USP53: variants seen among roughly 807,000 people sequenced by gnomAD.
USP53 encodes ubiquitin carboxyl-terminal hydrolase 53.
USP53 carries 71 observed loss-of-function variants against 94.9 expected under a neutral mutation model. The observed-to-expected ratio is 0.75, with a 90% CI of 0.62 to 0.91. The LOEUF (loss-of-function observed/expected upper bound fraction) is 0.91, where lower values mean the gene tolerates loss of function less well. USP53 is among the 40% of genes least tolerant of loss of function. USP53 has a pLI of 0.00. For synonymous variants in USP53, 375 were observed against 422.7 expected (o/e 0.89, Z 1.39); for missense variants, 1,173 against 1,281.0 (o/e 0.92, Z 1.29).
In USP53 at chr4:119,294,639, C is replaced by G. The variant is rs1387474807; in HGVS notation, c.*1428C>G. 1 of 152,042 alleles carries G rather than the reference C, an allele frequency of 6.6e-6. No individual in the cohort carries two copies. Among genetic ancestry groups the G allele is most frequent in the Non-Finnish European group, 1.5e-5 (1 of 67,956 alleles). The allele number at this position is 152,042 out of a possible 1,614,324, so 9.4% of individuals were successfully genotyped here. Reference sequence around the variant, plus strand: ...TAAACTAGTAAATGTAGCCACTTGACTGATTGCGTAAATCGTGTTAAAACA... The same window carrying G: ...TAAACTAGTAAATGTAGCCACTTGAGTGATTGCGTAAATCGTGTTAAAACA... On this transcript the variant is annotated 3_prime_UTR_variant, in exon 19 of 19. Transcript: ENST00000692078.
intron 6 of USP53, among the ~76,000 whole-genome samples, chr4:119,247,978 AT>A (rs919417571): frequency 5.3e-5 from 8 of 152,092 alleles, no homozygotes; most frequent in African/African-American, 1.9e-4. Context: ...TCTTAAAAAA[AT>A]ATTTTTTTTT....
At chr4:119,272,318 T>G (rs1361476119) in intron 16 of USP53, 1 of 243,454 alleles carries the variant, frequency 4.1e-6, no homozygotes, top group Non-Finnish European at 7.9e-6. Context: ...GTACAGAAGT[T>G]TATTATCATT....
At chr4:119,280,497 T>C (rs1279721014) in intron 17 of USP53, among the ~76,000 whole-genome samples, 3 of 152,222 alleles carry the variant, frequency 2.0e-5, no homozygotes, top group South Asian at 4.2e-4. Flanking sequence ...TTTATGTCTA[T>C]GGGAAATAGG....
rs977181158 is a variant in USP53 at position 119,267,383 on chromosome 4, T to C, written c.1036T>C (p.Leu346=). The part of the protein sequence containing the change: ...CIRCHFQPLL[L]FYANPDGTAV... ...TCGATGCCACTTTCAGCCACTACTT[T>C]TGTTTTATGCAAACCCAGATGGCAC... Residue 346 remains leucine, a synonymous_variant, in exon 13 of 19, where the codon TTG becomes CTG. Transcript: ENST00000692078. The C allele has an allele frequency of 6.2e-7, 1 of 1,614,058 alleles. No homozygotes were observed. Among genetic ancestry groups the C allele is most frequent in the African/African-American group, 1.3e-5 (1 of 74,942 alleles).
At chr4:119,271,204 T>G in intron 15 of USP53, 92 bp from the exon 16 acceptor site, 1 of 1,486,664 alleles carries the variant, frequency 6.7e-7, no homozygotes, top group Non-Finnish European at 8.9e-7. Flanking sequence ...CCTAAAACTC[T>G]TTAACATTTT....
At chr4:119,248,918 AG>A (rs781627268) in intron 7 of USP53, 36 bp downstream of exon 7, 2 of 1,610,204 alleles carry the variant, frequency 1.2e-6, no homozygotes, top group South Asian at 2.2e-5. Flanking sequence ...AAGTCAGGAT[AG>A]TAGTTTTCAT....
rs773309185 is a variant in USP53 at position 119,245,334 on chromosome 4, T to C, written c.145-3T>C. 25 of 1,613,064 alleles carry C rather than the reference T, an allele frequency of 1.5e-5. No homozygotes were observed. The highest frequency in any genetic ancestry group is 6.7e-5 in the Admixed American group (4 of 59,898). Reference sequence around the variant, plus strand: ...TTTTCCTTAACATCTCCCTGTTTTTTAGGTTTTATGGCAATTGGATATATT... The same window carrying C: ...TTTTCCTTAACATCTCCCTGTTTTTCAGGTTTTATGGCAATTGGATATATT... On this transcript the variant is annotated splice_polypyrimidine_tract_variant and splice_region_variant and intron_variant, in intron 5 of 18. Transcript: ENST00000692078.
intron 16 of USP53, 69 bp from the exon 17 acceptor site, chr4:119,273,563 G>GTT (rs35610634): frequency 0.036 from 30,240 of 832,264 alleles, 2 homozygotes; most frequent in South Asian, 0.051. Flanking sequence ...AACAAATGTT[G>GTT]TTTTTTTTTA....
chr4:119,279,842 C>G (rs1056925903), intron 17 of USP53, among the ~76,000 whole-genome samples: 1 of 152,182 alleles, frequency 6.6e-6, no homozygotes, highest in African/African-American at 2.4e-5. Flanking sequence ...GCGCAATATT[C>G]GGGTGGGAGT....
In USP53 at chr4:119,293,223, A is replaced by C. The variant is rs1452472975; in HGVS notation, c.*12A>C. 1.3e-6 allele frequency: 2 copies of C among 1,567,858 alleles called. No individual in the cohort carries two copies. The highest frequency in any genetic ancestry group is 1.7e-6 in the Non-Finnish European group (2 of 1,166,502). On this transcript the variant is annotated 3_prime_UTR_variant, in exon 19 of 19. Transcript: ENST00000692078. ...ATTCACTATCTTAGAGTGAAAAAGG[A>C]CTAGACCTGTGTTACATAATAATCT...
At chr4:119,259,666 T>C (rs1250682442) in intron 9 of USP53, among the ~76,000 whole-genome samples, 154 bp from the exon 10 acceptor site, 2 of 152,232 alleles carry the variant, frequency 1.3e-5, no homozygotes, top group Admixed American at 1.3e-4. Flanking sequence ...AATTTTTCAC[T>C]TTATGGAAAT....
rs756600863 is a variant in USP53, at chr4:119,256,533, T to C, written c.569+10T>C. On this transcript the variant is annotated intron_variant, in intron 9 of 18. Transcript: ENST00000692078. ...CTACAACAGCCTTATGGTAAGAACC[T>C]ATTAAAGCTTAATTATCAACGATAT... The C allele has an allele frequency of 3.7e-6, 6 of 1,612,718 alleles. No homozygotes were observed. The highest frequency in any genetic ancestry group is 5.1e-6 in the Non-Finnish European group (6 of 1,178,726).
At chr4:119,214,633 T>C (rs1444253791) in intron 2 of USP53, among the ~76,000 whole-genome samples, 1 of 147,268 alleles carries the variant, frequency 6.8e-6, no homozygotes, top group Non-Finnish European at 1.5e-5. Flanking sequence ...AAAAGAAAAA[T>C]CACAATACTC....
intron 3 of USP53, chr4:119,219,792 A>AT (rs1744262562): frequency 6.6e-6 from 1 of 152,188 alleles, no homozygotes; most frequent in African/African-American, 2.4e-5. Flanking sequence ...AGATAGTTTG[A>AT]TAGTCTTGTC....
At chr4:119,259,403 A>G (rs866437418) in intron 9 of USP53, among the ~76,000 whole-genome samples, 3 of 152,192 alleles carry the variant, frequency 2.0e-5, no homozygotes, top group Non-Finnish European at 1.5e-5. Context: ...CCTAGCTGAA[A>G]TTGATAACAT....
chr4:119,213,660 A>ATATGTGTGTGTGTG, intron 1 of USP53, among the ~76,000 whole-genome samples: 1 of 117,792 alleles, frequency 8.5e-6, no homozygotes, highest in African/African-American at 3.6e-5. Flanking sequence ...ATATATATAT[A>ATATGTGTGTGTGTG]TGTGTGTGTG....
At position 119,260,668 on chromosome 4, in the gene USP53, T is replaced by C. The variant is rs770259294; in HGVS notation, c.822+15T>C. On this transcript the variant is annotated intron_variant, in intron 11 of 18. Coordinates refer to ENST00000692078, the MANE Select transcript of USP53 (RefSeq NM_001371395.1). ...ATCTTCCTGGGGTATCTTATCTATT[T>C]TCATTCCCTTCCCTTTTATTTTCAA... The C allele has an allele frequency of 1.2e-6, 2 of 1,608,834 alleles. No individual in the cohort carries two copies. The highest frequency in any genetic ancestry group is 1.7e-5 in the Admixed American group (1 of 59,060).
chr4:119,225,267 C>A (rs1304886862), intron 3 of USP53, among the ~76,000 whole-genome samples: 1 of 152,070 alleles, frequency 6.6e-6, no homozygotes, highest in Admixed American at 6.6e-5. Context: ...ACCTAAGTAG[C>A]CCTTTCTATC....
Position 119,293,165 on chromosome 4 carries a change from T to G in USP53, c.3176T>G (p.Leu1059Arg), listed in dbSNP as rs1240083223. Reference protein sequence around the residue: ...YRLKYHQRPKLSFPESSGFCN... With the variant: ...YRLKYHQRPKRSFPESSGFCN... ...TTGAAATACCATCAGAGGCCCAAGC[T>G]CTCTTTTCCAGAGAGCAGTGGCTTT... Residue 1059 changes from leucine to arginine, a missense_variant, in exon 19 of 19, where the codon CTC becomes CGC. Transcript: ENST00000692078. 2 of 1,611,548 alleles carry G rather than the reference T, an allele frequency of 1.2e-6. No homozygotes were observed. The highest frequency in any genetic ancestry group is 1.7e-5 in the Admixed American group (1 of 59,880).
Sources: allele counts gnomAD v4.1 joint callset (sites outside exome capture counted in the v4.1 genomes callset), GRCh38; gene constraint gnomAD v4.1.1; transcripts MANE v1.5; gene names NCBI Gene and HGNC (gene_info 2026-07-23, HGNC 2026-07-21).